IGF2R: variants seen among roughly 807,000 people sequenced by gnomAD.
IGF2R encodes the protein cation-independent mannose-6-phosphate receptor.
In IGF2R, 91 loss-of-function variants were observed where a neutral mutation model predicts 270.6. That is an observed-to-expected ratio of 0.34 (90% CI 0.28 to 0.40). The LOEUF is 0.40. Ranked by LOEUF, IGF2R falls within the 10% of genes least tolerant of loss-of-function variation. IGF2R has a pLI of 1.00. For synonymous variants in IGF2R, 1,316 were observed against 1,258.9 expected, an observed-to-expected ratio of 1.05 and a Z score of -0.96; for missense variants, 2,805 against 3,188.3, an observed-to-expected ratio of 0.88 and a Z score of 2.90.
intron 12 of IGF2R, among the ~76,000 whole-genome samples, chr6:160,044,101 C>G (rs1319247748): frequency 6.6e-6 from 1 of 152,168 alleles, no homozygotes; most frequent in Non-Finnish European, 1.5e-5. Context: ...ACATTCTCAC[C>G]CTTTGGCTGT....
At position 160,078,342 on chromosome 6, in the gene IGF2R, C is replaced by T. The variant is rs765677611; in HGVS notation, c.5458C>T (p.Leu1820Phe). 9.9e-6 allele frequency: 16 copies of T among 1,614,150 alleles called. No homozygotes were observed. The highest frequency in any genetic ancestry group is 1.2e-5 in the Non-Finnish European group (14 of 1,179,978). Reference sequence around the variant, plus strand: ...CCTCTACAGCTTCAACTTGTCCAGCCTTTCCACGAGCACCTTTAAGGTAAT... The same window carrying T: ...CCTCTACAGCTTCAACTTGTCCAGCTTTTCCACGAGCACCTTTAAGGTAAT... Reference protein sequence around the residue: ...QLLYSFNLSSLSTSTFKVTRD... With the variant: ...QLLYSFNLSSFSTSTFKVTRD... The change falls in exon 37 of 48, where the codon CTT (leucine) becomes TTT (phenylalanine). Residue 1820 changes from leucine to phenylalanine, a missense_variant. Coordinates refer to ENST00000356956, the MANE Select transcript of IGF2R (RefSeq NM_000876.4).
intron 20 of IGF2R, among the ~76,000 whole-genome samples, chr6:160,057,420 C>G (rs8191825): frequency 0.011 from 1,690 of 152,328 alleles, 35 homozygotes; most frequent in African/African-American, 0.039. Flanking sequence ...GCAGCAGAGA[C>G]CAAGGCTTTT....
In IGF2R at chr6:159,970,433, T is replaced by A. The variant is rs1374888237; in HGVS notation, c.149+1038T>A. Reference sequence around the variant, plus strand: ...TACTTTGGGCTGAACTTGGAGTTTGTGGTAGGGTTTATGGGGGGGGTTCTT... The same window carrying A: ...TACTTTGGGCTGAACTTGGAGTTTGAGGTAGGGTTTATGGGGGGGGTTCTT... On this transcript the variant is annotated intron_variant, in intron 1 of 47. Coordinates refer to ENST00000356956, the MANE Select transcript of IGF2R (RefSeq NM_000876.4). Among the ~76,000 whole-genome samples the A allele has an allele frequency of 2.0e-5, 3 of 151,140 alleles. No homozygotes were observed. In the South Asian group the frequency reaches 6.2e-4, roughly 31 times the overall value.
At chr6:159,969,445 C>T in intron 1 of IGF2R, 50 bp downstream of exon 1, 1 of 1,168,892 alleles carries the variant, frequency 8.6e-7, no homozygotes, top group Non-Finnish European at 1.1e-6. Flanking sequence ...CCGGGGTGAG[C>T]GGCCGGCGTG....
chr6:160,027,142 C>T, intron 5 of IGF2R, 43 bp from the exon 6 acceptor site: 2 of 1,611,330 alleles, frequency 1.2e-6, no homozygotes, highest in Non-Finnish European at 1.7e-6. Context: ...GTGATTATCA[C>T]TCCTAACACC....
intron 37 of IGF2R, among the ~76,000 whole-genome samples, chr6:160,078,822 G>T (rs981137771): frequency 5.9e-5 from 9 of 152,174 alleles, no homozygotes; most frequent in Non-Finnish European, 1.2e-4. Context: ...GAGGTAGGAG[G>T]TGCCCTGGAA....
At chr6:160,065,812 G>GTATATATATATA (rs1456196890) in intron 29 of IGF2R, among the ~76,000 whole-genome samples, 86 of 69,322 alleles carry the variant, frequency 1.2e-3, no homozygotes, top group African/African-American at 2.4e-3. Context: ...GTGTGTGTGT[G>GTATATATATATA]TGTATATATA....
At chr6:160,044,116 C>T (rs1778012148) in intron 12 of IGF2R, among the ~76,000 whole-genome samples, 1 of 152,214 alleles carries the variant, frequency 6.6e-6, no homozygotes, top group Non-Finnish European at 1.5e-5. Context: ...GGCTGTGTGG[C>T]TGTGCTTTCA....
chr6:160,075,154 T>A (rs1271023461), intron 35 of IGF2R, among the ~76,000 whole-genome samples: 1 of 152,166 alleles, frequency 6.6e-6, no homozygotes, highest in Non-Finnish European at 1.5e-5. Context: ...ATTCATCACA[T>A]ACACAGTTCC....
chr6:159,970,853 G>A (rs1783598606), intron 1 of IGF2R, among the ~76,000 whole-genome samples: 2 of 152,268 alleles, frequency 1.3e-5, no homozygotes, highest in African/African-American at 4.8e-5. Context: ...CGAGGTGGGC[G>A]GGTCACTTGA....
At chr6:160,006,745 G>A (rs1342068968) in intron 2 of IGF2R, 1 of 152,170 alleles carries the variant, frequency 6.6e-6, no homozygotes, top group East Asian at 1.9e-4. Context: ...TGAGCCATGT[G>A]TTAATCCATA....
At chr6:159,971,528 C>T (rs1051555151) in intron 1 of IGF2R, among the ~76,000 whole-genome samples, 2 of 152,208 alleles carry the variant, frequency 1.3e-5, no homozygotes, top group East Asian at 1.9e-4. Flanking sequence ...ATTTCAGAGA[C>T]GGATTTTCAC....
chr6:159,990,989 G>A (rs897362729), intron 1 of IGF2R, among the ~76,000 whole-genome samples, 195 bp from the exon 2 acceptor site: 2 of 152,220 alleles, frequency 1.3e-5, no homozygotes, highest in African/African-American at 4.8e-5. Flanking sequence ...TTGAACCACA[G>A]ACAGATGGTG....
Position 160,104,667 on chromosome 6 carries a change from C to T in IGF2R, c.7066-7C>T. On this transcript the variant is annotated splice_region_variant and splice_polypyrimidine_tract_variant and intron_variant, in intron 47 of 47. Coordinates refer to ENST00000356956, the MANE Select transcript of IGF2R (RefSeq NM_000876.4). Reference sequence around the variant, plus strand: ...CTCACGTGGTCTCTGCTGTTGATCCCTGGCAGGTGAATAAGGAAGAAGAGA... The same window carrying T: ...CTCACGTGGTCTCTGCTGTTGATCCTTGGCAGGTGAATAAGGAAGAAGAGA... The T allele has an allele frequency of 6.2e-7, 1 of 1,607,872 alleles. No individual in the cohort carries two copies. Among genetic ancestry groups the T allele is most frequent in the Non-Finnish European group, 8.5e-7 (1 of 1,176,624 alleles).
chr6:160,071,799 A>T, intron 31 of IGF2R, 111 bp from the exon 32 acceptor site: 1 of 1,395,538 alleles, frequency 7.2e-7, no homozygotes, highest in South Asian at 1.2e-5. Flanking sequence ...GGAGACAGAA[A>T]TGTCACATGC....
chr6:160,057,011 C>T (rs1778331002), intron 20 of IGF2R, among the ~76,000 whole-genome samples: 1 of 152,064 alleles, frequency 6.6e-6, no homozygotes. Flanking sequence ...GTGCATAGGC[C>T]AGAGCCCACA....
intron 35 of IGF2R, among the ~76,000 whole-genome samples, chr6:160,074,229 T>A (rs1469935338): frequency 6.6e-6 from 1 of 152,214 alleles, no homozygotes; most frequent in African/African-American, 2.4e-5. Flanking sequence ...ACTCTACTTG[T>A]CATGAGCCTC....
At chr6:159,989,318 G>C (rs189431817) in intron 1 of IGF2R, among the ~76,000 whole-genome samples, 41 of 152,268 alleles carry the variant, frequency 2.7e-4, no homozygotes, top group Non-Finnish European at 4.3e-4. Flanking sequence ...AGGGCACGTG[G>C]GGGGGCCTGG....
chr6:160,032,603 G>A lies in IGF2R; in HGVS notation c.935G>A (p.Trp312Ter). The stretch of plus-strand genomic sequence containing the variant: ...TCCAACTGCCGCTATGAAATTGAGT[G>A]GATTACTGAGTATGCCTGCCACAGA... The part of the protein sequence containing the change: ...AKSNCRYEIE[W>*]ITEYACHRDY... The change falls in exon 8 of 48, where the codon TGG (tryptophan) becomes TAG (stop). Residue 312 changes from tryptophan (W) to a stop codon, truncating the protein, a stop_gained. Transcript: ENST00000356956. LOFTEE classifies it high-confidence loss of function. The A allele has an allele frequency of 6.2e-7, 1 of 1,614,178 alleles. No individual in the cohort carries two copies. The highest frequency in any genetic ancestry group is 8.5e-7 in the Non-Finnish European group (1 of 1,180,006).
Sources: allele counts gnomAD v4.1 joint callset (sites outside exome capture counted in the v4.1 genomes callset), GRCh38; gene constraint gnomAD v4.1.1; transcripts MANE v1.5; gene names NCBI Gene and HGNC (gene_info 2026-07-23, HGNC 2026-07-21).